The following SMCO2 variants were observed in gnomAD, a reference collection of about 807,000 sequenced individuals.
SMCO2 encodes the protein single-pass membrane and coiled-coil domain-containing protein 2.
In SMCO2, 25 loss-of-function variants were observed where a neutral mutation model predicts 29.5. That is an observed-to-expected ratio of 0.85 (90% CI 0.62 to 1.18). The LOEUF (loss-of-function observed/expected upper bound fraction) is 1.18. SMCO2 is among the 50% of genes most tolerant of loss of function. The pLI is 0.00. For synonymous variants in SMCO2, 117 were observed against 123.3 expected (o/e 0.95, Z 0.34); for missense variants, 348 against 344.5 (o/e 1.01, Z -0.08).
chr12:27,469,396 G>C (rs1241884621), intron 1 of SMCO2, among the ~76,000 whole-genome samples: 2 of 152,160 alleles, frequency 1.3e-5, no homozygotes, highest in African/African-American at 2.4e-5. Flanking sequence ...CAAGAACAAA[G>C]CTCAATTCTG....
intron 4 of SMCO2, among the ~76,000 whole-genome samples, chr12:27,478,936 C>T (rs1189023329): frequency 6.6e-6 from 1 of 152,220 alleles, no homozygotes; most frequent in Non-Finnish European, 1.5e-5. Flanking sequence ...GACCTGTCCT[C>T]AGGCCCTCAG....
chr12:27,451,368 A>G, the SMCO2 span, among the ~76,000 whole-genome samples: 1 of 152,014 alleles, frequency 6.6e-6, no homozygotes, highest in Admixed American at 6.6e-5. Context: ...TGGGGTTATA[A>G]CGGTCATCCA....
In SMCO2 at chr12:27,472,977, G is replaced by A. The variant is rs1389244322; in HGVS notation, c.234+102G>A. ...CTTAAAGTGGTAAGAAAATATCTGAGGGTTTTCTTCTAATTGGTGCAGAAC... is the reference window on the plus strand; with the variant it reads ...CTTAAAGTGGTAAGAAAATATCTGAAGGTTTTCTTCTAATTGGTGCAGAAC... On this transcript the variant is annotated intron_variant, in intron 3 of 7. Transcript: ENST00000298876. 10 of 862,332 alleles carry A rather than the reference G, an allele frequency of 1.2e-5. 1 individual carries two copies. The Admixed American group carries it at 2.3e-4, about 20-fold the overall frequency. The allele number at this position is 862,332 out of a possible 1,614,324, so 53.4% of individuals were successfully genotyped here.
At chr12:27,457,337 A>G in the SMCO2 span, among the ~76,000 whole-genome samples, 67 of 152,156 alleles carry the variant, frequency 4.4e-4, no homozygotes, top group Non-Finnish European at 7.6e-4. Flanking sequence ...CTACATTTTC[A>G]TTTCTCATTG....
intron 1 of SMCO2, among the ~76,000 whole-genome samples, chr12:27,468,256 A>G (rs1348645708): frequency 2.0e-5 from 3 of 152,218 alleles, no homozygotes; most frequent in African/African-American, 7.2e-5. Flanking sequence ...ATCATAGAAG[A>G]AGGTGATAGT....
intron 4 of SMCO2, among the ~76,000 whole-genome samples, chr12:27,476,733 A>C (rs972279394): frequency 6.6e-6 from 1 of 151,890 alleles, no homozygotes; most frequent in Non-Finnish European, 1.5e-5. Context: ...CTTTCAGTCT[A>C]CATGTGTCTT....
the SMCO2 span, among the ~76,000 whole-genome samples, chr12:27,456,014 G>C: frequency 6.6e-6 from 1 of 152,224 alleles, no homozygotes; most frequent in South Asian, 2.1e-4. Context: ...TTGGGAGTTT[G>C]AGACCAGCCT....
the SMCO2 span, among the ~76,000 whole-genome samples, chr12:27,454,892 A>G: frequency 1.8e-5 from 2 of 114,228 alleles, no homozygotes; most frequent in African/African-American, 6.2e-5. Flanking sequence ...ATGTCCCTGC[A>G]AAGGACATGA....
intron 4 of SMCO2, among the ~76,000 whole-genome samples, chr12:27,485,102 A>G (rs1414514737): frequency 6.6e-6 from 1 of 151,522 alleles, no homozygotes; most frequent in Non-Finnish European, 1.5e-5. Context: ...AGGTTGTCTC[A>G]TAACCCATAA....
the SMCO2 span, among the ~76,000 whole-genome samples, chr12:27,433,960 C>T: frequency 4.7e-4 from 72 of 152,308 alleles, no homozygotes; most frequent in East Asian, 0.012. Context: ...GGCTGGAGTG[C>T]GGTGGTGCCA....
At chr12:27,444,760 C>G in the SMCO2 span, among the ~76,000 whole-genome samples, 1 of 152,152 alleles carries the variant, frequency 6.6e-6, no homozygotes, top group South Asian at 2.1e-4. Context: ...AGTACCACCA[C>G]TATGAAGAAT....
chr12:27,469,616 C>G (rs10506021), intron 1 of SMCO2, among the ~76,000 whole-genome samples: 9,903 of 152,210 alleles, frequency 0.065, 386 homozygotes, highest in East Asian at 0.12. Context: ...TAGTTCTAGG[C>G]CAATCTACTG....
At chr12:27,501,978 T>C in exon 8 of SMCO2, 1 of 1,547,778 alleles carries the variant, frequency 6.5e-7, no homozygotes, top group Non-Finnish European at 8.7e-7. Context: ...CACTGGACTT[T>C]TATGTTACAT....
At chr12:27,494,419 G>C in intron 6 of SMCO2, 63 bp downstream of exon 7, 1 of 1,200,222 alleles carries the variant, frequency 8.3e-7, no homozygotes, top group Non-Finnish European at 1.1e-6. Context: ...CTAAATACAG[G>C]GGTCATTCAT....
the SMCO2 span, among the ~76,000 whole-genome samples, chr12:27,431,948 TTC>T: frequency 6.6e-6 from 1 of 152,230 alleles, no homozygotes; most frequent in Non-Finnish European, 1.5e-5. Flanking sequence ...ACTCCTATTA[TTC>T]TGTTTATTGG....
intron 5 of SMCO2, among the ~76,000 whole-genome samples, chr12:27,493,002 A>G (rs1398726799): frequency 6.6e-6 from 1 of 152,254 alleles, no homozygotes; most frequent in Non-Finnish European, 1.5e-5. Context: ...CTATGCATCC[A>G]TAAAAAAGAA....
the SMCO2 span, among the ~76,000 whole-genome samples, chr12:27,447,907 G>A: frequency 1.3e-5 from 2 of 152,070 alleles, no homozygotes; most frequent in African/African-American, 4.8e-5. Context: ...AAACTCAGCC[G>A]AGTGCCTCTC....
the SMCO2 span, among the ~76,000 whole-genome samples, chr12:27,456,481 G>C: frequency 2.0e-5 from 3 of 152,146 alleles, no homozygotes; most frequent in African/African-American, 7.2e-5. Context: ...ATGGGGTCTT[G>C]CTATGTTGCC....
chr12:27,465,397 A>G (rs895945673), upstream of SMCO2, among the ~76,000 whole-genome samples: 1 of 152,196 alleles, frequency 6.6e-6, no homozygotes, highest in African/African-American at 2.4e-5. Flanking sequence ...AACCAAAGGT[A>G]GGAGCATAGT....
Sources: allele counts gnomAD v4.1 joint callset (sites outside exome capture counted in the v4.1 genomes callset), GRCh38; gene constraint gnomAD v4.1.1; transcripts MANE v1.5; gene names NCBI Gene and HGNC (gene_info 2026-07-23, HGNC 2026-07-21).